Variants in NOD2 observed in about 807,000 individuals in gnomAD.
The protein encoded by NOD2 is nucleotide-binding oligomerization domain-containing protein 2.
In NOD2, 86 loss-of-function variants were observed where a neutral mutation model predicts 90.9. That is an observed-to-expected ratio of 0.95 (90% confidence interval 0.79 to 1.13). The LOEUF is 1.13. NOD2 is among the 50% of genes most tolerant of loss of function. The pLI is 0.00. For synonymous variants in NOD2, 581 were observed against 554.6 expected, an observed-to-expected ratio of 1.05 and a Z score of -0.67; for missense variants, 1,238 against 1,283.8, an observed-to-expected ratio of 0.96 and a Z score of 0.55.
intron 6 of NOD2, among the ~76,000 whole-genome samples, chr16:50,718,860 C>A (rs1390900281): frequency 6.6e-6 from 1 of 152,172 alleles, no homozygotes; most frequent in African/African-American, 2.4e-5. Flanking sequence ...GAGTCCGGTC[C>A]TCCAAGCAGG....
rs576586123 is a variant in NOD2, at chr16:50,728,504, A to G, written c.2886-1314A>G. The stretch of plus-strand genomic sequence containing the variant: ...TATTAAGTCATTAGCAAAAAATCAT[A>G]AAGTGAGAATTGTGCATTAAAATGA... On this transcript the variant is annotated intron_variant, in intron 10 of 11. Transcript: ENST00000647318. 3.1e-4 allele frequency: 52 copies of G among 166,534 alleles called. 1 individual carries two copies. The South Asian group carries it at 7.3e-3, about 23-fold the overall frequency. 10.3% of individuals were successfully genotyped at this position (166,534 alleles called of 1,614,324 possible). A position where few individuals can be genotyped will look rare whatever the true frequency, so the allele number is the denominator to read the frequency against.
At position 50,724,083 on chromosome 16, in the gene NOD2, C is replaced by T. The variant is rs940107880; in HGVS notation, c.2801+699C>T. Among the ~76,000 whole-genome samples the T allele has an allele frequency of 1.4e-4, 22 of 152,180 alleles. 1 individual carries two copies. Among genetic ancestry groups the T allele is most frequent in the Non-Finnish European group, 2.8e-4 (19 of 68,036 alleles). On this transcript the variant is annotated intron_variant, in intron 9 of 11. Transcript: ENST00000647318. ...TTATACTGTTGACCTGAAGCAGATT[C>T]TAAGTTTCTCATCCTTTAGATGCCA...
intron 6 of NOD2, 189 bp from the exon 7 acceptor site, chr16:50,719,736 C>G: frequency 1.4e-6 from 1 of 709,246 alleles, no homozygotes; most frequent in Non-Finnish European, 2.6e-6. Flanking sequence ...TTTCCCTTTG[C>G]TGGGGGAAAA....
intron 6 of NOD2, 27 bp from the exon 7 acceptor site, chr16:50,719,898 C>T (rs1291083819): frequency 6.2e-7 from 1 of 1,608,130 alleles, no homozygotes; most frequent in Non-Finnish European, 8.5e-7. Flanking sequence ...GCTGTGTTCT[C>T]TCAGCCTCCT....
chr16:50,709,735 C>T (rs1213851275), intron 3 of NOD2, among the ~76,000 whole-genome samples: 2 of 152,134 alleles, frequency 1.3e-5, no homozygotes, highest in African/African-American at 4.8e-5. Context: ...TTCCTTTTGC[C>T]ACGTAAGGTA....
intron 1 of NOD2, among the ~76,000 whole-genome samples, chr16:50,693,864 G>A (rs1400799665): frequency 6.6e-6 from 1 of 152,126 alleles, no homozygotes; most frequent in African/African-American, 2.4e-5. Flanking sequence ...GGTTGGGGAG[G>A]CCCCTGGGCC....
Position 50,729,909 on chromosome 16 carries a change from C to A in NOD2, c.2969+8C>A. On this transcript the variant is annotated splice_region_variant and intron_variant, in intron 11 of 11. Coordinates refer to ENST00000647318, the MANE Select transcript of NOD2 (RefSeq NM_001370466.1). ...CACCATCCTGGAAGTCTGGTAAGGC[C>A]CCTGGGCAGGCCTGTTTTAGCTCTC... 6.2e-7 allele frequency: 1 copy of A among 1,610,206 alleles called. No individual in the cohort carries two copies. Among genetic ancestry groups the A allele is most frequent in the African/African-American group, 1.3e-5 (1 of 74,908 alleles).
intron 6 of NOD2, among the ~76,000 whole-genome samples, chr16:50,717,686 C>T (rs747328518): frequency 2.0e-5 from 3 of 152,202 alleles, no homozygotes; most frequent in Non-Finnish European, 2.9e-5. Context: ...AGCTCAGTCT[C>T]GGCAAGGGCT....
chr16:50,693,897 C>G (rs1461306696), intron 1 of NOD2, among the ~76,000 whole-genome samples: 2 of 152,128 alleles, frequency 1.3e-5, no homozygotes, highest in African/African-American at 4.8e-5. Context: ...TCCTTCCTCT[C>G]TGTGGGACTC....
At chr16:50,697,192 A>G (rs2150776275) in intron 1 of NOD2, 2 of 1,484,298 alleles carry the variant, frequency 1.3e-6, no homozygotes, top group East Asian at 2.5e-5. Context: ...GGCGTTCTGC[A>G]CAAGGCCTAC....
At position 50,732,826 on chromosome 16, in the gene NOD2, G is replaced by A. The variant is rs1395111697; in HGVS notation, c.*1007G>A. Reference sequence around the variant, plus strand: ...TACAGTTATGGATTGAAAGTTTACAGGAAAAAAAATTAGGCCGTTCCTTCA... The same window carrying A: ...TACAGTTATGGATTGAAAGTTTACAAGAAAAAAAATTAGGCCGTTCCTTCA... On this transcript the variant is annotated 3_prime_UTR_variant, in exon 12 of 12. Transcript: ENST00000647318. The A allele has an allele frequency of 6.6e-6, 1 of 152,224 alleles. No individual in the cohort carries two copies. The highest frequency in any genetic ancestry group is 2.4e-5 in the African/African-American group (1 of 41,428). The allele number at this position is 152,224 out of a possible 1,614,324, so 9.4% of individuals were successfully genotyped here. A position where few individuals can be genotyped will look rare whatever the true frequency, so the allele number is the denominator to read the frequency against.
rs773811702 is a variant in NOD2 at position 50,711,494 on chromosome 16, C to T, written c.1502C>T (p.Pro501Leu). ...LQHFLLHATP[P>L]DSASQGLGPS... is the part of the protein sequence containing the mutation. ...CATTTTCTGCTGCATGCCACCCCCC[C>T]AGACTCAGCTTCCCAAGGTCTGGGA... Residue 501 changes from proline (P) to leucine (L), a missense_variant, in exon 4 of 12, where the codon CCA (proline) becomes CTA (leucine). Physicochemically the swap from Pro to Leu is moderately conservative, Grantham distance 98. Transcript: ENST00000647318. The T allele has an allele frequency of 6.2e-7, 1 of 1,613,378 alleles. No individual in the cohort carries two copies. Among genetic ancestry groups the T allele is most frequent in the Non-Finnish European group, 8.5e-7 (1 of 1,179,960 alleles).
chr16:50,714,449 G>A (rs1397056939), intron 4 of NOD2, among the ~76,000 whole-genome samples: 2 of 152,062 alleles, frequency 1.3e-5, no homozygotes, highest in African/African-American at 4.8e-5. Context: ...AAGTGGTCTC[G>A]CCCTGGGAGA....
chr16:50,731,412 G>A (rs928904656), intron 11 of NOD2, among the ~76,000 whole-genome samples: 1 of 152,188 alleles, frequency 6.6e-6, no homozygotes, highest in Admixed American at 6.5e-5. Flanking sequence ...GCCTGTTGAT[G>A]GAACTTGGGA....
chr16:50,709,847 TGAGA>T, intron 3 of NOD2: 1 of 425,832 alleles, frequency 2.3e-6, no homozygotes, highest in South Asian at 1.6e-5. Flanking sequence ...CACCATTTTT[TGAGA>T]GTTTGCCATG....
chr16:50,721,236 G>A (rs1965041997), intron 7 of NOD2, among the ~76,000 whole-genome samples: 1 of 151,648 alleles, frequency 6.6e-6, no homozygotes, highest in Non-Finnish European at 1.5e-5. Flanking sequence ...TCTGCTTGAG[G>A]TCACATCTGC....
At chr16:50,715,128 T>TA (rs1380067084) in intron 4 of NOD2, among the ~76,000 whole-genome samples, 2 of 152,184 alleles carry the variant, frequency 1.3e-5, no homozygotes, top group African/African-American at 4.8e-5. Flanking sequence ...ATGTCATGGT[T>TA]AAGAGTGGGG....
chr16:50,730,996 C>A (rs1326025629), intron 11 of NOD2, among the ~76,000 whole-genome samples: 9 of 152,118 alleles, frequency 5.9e-5, no homozygotes. Flanking sequence ...GCCAGAGGTT[C>A]AACACCAGAC....
chr16:50,711,170 G>T lies in NOD2; in HGVS notation c.1178G>T (p.Arg393Leu). ...CAGGGCAACCTGCTGAAGAATGCCCGCAAGGTGGTGACCAGCCGTCCGGCC... is the reference window on the plus strand; with the variant it reads ...CAGGGCAACCTGCTGAAGAATGCCCTCAAGGTGGTGACCAGCCGTCCGGCC... ...LLQGNLLKNARKVVTSRPAAV... is the reference protein window; with the variant it reads ...LLQGNLLKNALKVVTSRPAAV... The change falls in exon 4 of 12, where the codon CGC becomes CTC. Residue 393 changes from arginine to leucine, a missense_variant. Around this residue, in one of 3 missense-constraint regions of NOD2, gnomAD observed 567 missense variants for 577.3 expected, o/e 0.98. Transcript: ENST00000647318. 1 of 1,614,082 alleles carries T rather than the reference G, an allele frequency of 6.2e-7. No individual in the cohort carries two copies. Among genetic ancestry groups the T allele is most frequent in the Non-Finnish European group, 8.5e-7 (1 of 1,180,026 alleles).
Sources: allele counts gnomAD v4.1 joint callset (sites outside exome capture counted in the v4.1 genomes callset), GRCh38; gene constraint gnomAD v4.1.1; regional missense constraint gnomAD v4.1.1; transcripts MANE v1.5; gene names NCBI Gene and HGNC (gene_info 2026-07-23, HGNC 2026-07-21).